The following PCDHA6 variants were observed in gnomAD, a reference collection of about 807,000 sequenced individuals.
PCDHA6 encodes the protein protocadherin alpha-6.
A neutral mutation model predicts 60.3 loss-of-function variants in PCDHA6; 55 were observed. That is an observed-to-expected ratio of 0.91 (90% CI 0.73 to 1.14). PCDHA6 has a LOEUF of 1.14. Among genes scored for constraint, PCDHA6 ranks in the 50% most tolerant of loss-of-function variants. The probability of loss-of-function intolerance (pLI) is 0.00; values close to 1 mark genes in which losing one functional copy is unlikely to be tolerated. For synonymous variants in PCDHA6, 652 were observed against 557.9 expected (o/e 1.17, Z -2.38); for missense variants, 1,327 against 1,256.5 (o/e 1.06, Z -0.85).
chr5:140,893,817 C>T (rs951661016), intron 1 of PCDHA6, among the ~76,000 whole-genome samples: 73 of 152,098 alleles, frequency 4.8e-4, no homozygotes, highest in African/African-American at 1.7e-3. Context: ...AGTCTGGTAC[C>T]GTAGACTACT....
At chr5:140,999,947 G>A (rs993598998) in intron 3 of PCDHA6, among the ~76,000 whole-genome samples, 1 of 152,110 alleles carries the variant, frequency 6.6e-6, no homozygotes, top group Non-Finnish European at 1.5e-5. Flanking sequence ...CACCCAAAGA[G>A]GGTGAAATAC....
chr5:140,842,799 C>A, intron 1 of PCDHA6: 1 of 1,594,426 alleles, frequency 6.3e-7, no homozygotes, highest in Non-Finnish European at 8.6e-7. Flanking sequence ...GTGTCCTACT[C>A]GCTTGTGGAG....
intron 1 of PCDHA6, chr5:140,868,273 C>A (rs1311976993): frequency 6.6e-6 from 1 of 151,892 alleles, no homozygotes; most frequent in Non-Finnish European, 1.5e-5. Flanking sequence ...TTTTTTAAAA[C>A]TACCAAGTTT....
Position 140,882,813 on chromosome 5 carries a change from C to A in PCDHA6, c.2394+52328C>A, listed in dbSNP as rs782169035. 2 of 1,614,058 alleles carry A rather than the reference C, an allele frequency of 1.2e-6. No individual in the cohort carries two copies. The highest frequency in any genetic ancestry group is 3.3e-5 in the Admixed American group (2 of 60,002). On this transcript the variant is annotated intron_variant, in intron 1 of 3. Transcript: ENST00000529310. ...CCCAACGATTATTTCACTTTGGACG[C>A]ACAAAACAGTCTTGAGCAAATGTCT...
At chr5:140,888,700 T>C (rs534278841) in intron 1 of PCDHA6, among the ~76,000 whole-genome samples, 2 of 152,274 alleles carry the variant, frequency 1.3e-5, no homozygotes, top group Non-Finnish European at 2.9e-5. Flanking sequence ...CTCTGATTGG[T>C]AGGAATGTGA....
At chr5:141,003,676 C>T (rs2098133802) in intron 3 of PCDHA6, among the ~76,000 whole-genome samples, 2 of 152,124 alleles carry the variant, frequency 1.3e-5, no homozygotes, top group East Asian at 1.9e-4. Context: ...ATATGTTGTT[C>T]TGATTTTAAA....
At chr5:140,871,352 C>CT in intron 1 of PCDHA6, 1 of 1,614,210 alleles carries the variant, frequency 6.2e-7, no homozygotes, top group South Asian at 1.1e-5. Flanking sequence ...TGGTCATACT[C>CT]GCAGCAGAGG....
Position 140,848,531 on chromosome 5 carries a change from G to C in PCDHA6, c.2394+18046G>C. On this transcript the variant is annotated intron_variant, in intron 1 of 3. Coordinates refer to ENST00000529310, the MANE Select transcript of PCDHA6 (RefSeq NM_018909.4). ...CAAGTCGAGGAGATCCAGAGGGTCA[G>C]CCTCTACTGCTCTCGCTTCTGATCC... 3 of 1,594,876 alleles carry C rather than the reference G, an allele frequency of 1.9e-6. 1 individual carries two copies. The South Asian group carries it at 3.3e-5, about 18-fold the overall frequency.
rs34755515 is a variant in PCDHA6 at position 141,000,421 on chromosome 5, A to ATTT, written c.2543-9185_2543-9183dup. 5.4e-3 allele frequency among the ~76,000 whole-genome samples: 150 copies of ATTT among 27,982 alleles called. 11 individuals are homozygous for ATTT. Among genetic ancestry groups the ATTT allele is most frequent in the Non-Finnish European group, 6.0e-3 (106 of 17,660 alleles). The allele number at this position is 27,982 out of a possible 152,430, so 18.4% of individuals were successfully genotyped here. On this transcript the variant is annotated intron_variant, in intron 3 of 3. Coordinates refer to ENST00000529310, the MANE Select transcript of PCDHA6 (RefSeq NM_018909.4). ...TATATATATATATATATATATATAT[A>ATTT]TTTTTTTTTTTTTTTTTTTTTTTGA...
chr5:141,001,017 A>G (rs1414857051), intron 3 of PCDHA6, among the ~76,000 whole-genome samples: 2 of 152,240 alleles, frequency 1.3e-5, no homozygotes, highest in Admixed American at 1.3e-4. Flanking sequence ...TTAGATATAC[A>G]CTTATAATAA....
In PCDHA6 at chr5:140,941,719, C is replaced by G. The variant is rs76426901; in HGVS notation, c.2395-37230C>G. 1.5e-4 allele frequency among the ~76,000 whole-genome samples: 23 copies of G among 152,260 alleles called. No individual in the cohort carries two copies. The East Asian group carries it at 4.0e-3, about 27-fold the overall frequency. ...GGCTTAGCTTTCCTCCACAATTTGT[C>G]CTAGCAGTTCCCCATTATCTTATCA... is the stretch of plus-strand genomic sequence containing the variant. On this transcript the variant is annotated intron_variant, in intron 1 of 3. Coordinates refer to ENST00000529310, the MANE Select transcript of PCDHA6 (RefSeq NM_018909.4).
intron 1 of PCDHA6, among the ~76,000 whole-genome samples, chr5:140,923,395 G>A (rs782033907): frequency 6.6e-6 from 1 of 152,240 alleles, no homozygotes; most frequent in South Asian, 2.1e-4. Flanking sequence ...GGGCATGGTG[G>A]TGTGTGCCTA....
intron 1 of PCDHA6, chr5:140,867,791 C>T (rs2050146253): frequency 1.3e-5 from 2 of 152,072 alleles, no homozygotes; most frequent in African/African-American, 2.4e-5. Context: ...CTGTATTTTA[C>T]TTAGCATTTT....
chr5:140,843,901 A>G lies in PCDHA6; in HGVS notation c.2394+13416A>G. 3 of 653,454 alleles carry G rather than the reference A, an allele frequency of 4.6e-6. 1 individual carries two copies. The highest frequency in any genetic ancestry group is 7.7e-6 in the Non-Finnish European group (3 of 388,320). 40.5% of individuals were successfully genotyped at this position (653,454 alleles called of 1,614,324 possible). A position where few individuals can be genotyped will look rare whatever the true frequency, so the allele number is the denominator to read the frequency against. On this transcript the variant is annotated intron_variant, in intron 1 of 3. Transcript: ENST00000529310. ...CATAATACAGTATTAATCATTCTCC[A>G]CAAGTTGGGTCTATCTTGAAACTCA...
At chr5:140,850,520 G>T (rs782515896) in intron 1 of PCDHA6, 3 of 1,598,186 alleles carry the variant, frequency 1.9e-6, no homozygotes, top group South Asian at 1.1e-5. Context: ...GCGGCCAGGC[G>T]CCAAAGTCAT....
At chr5:140,882,301 G>T in intron 1 of PCDHA6, 1 of 1,613,800 alleles carries the variant, frequency 6.2e-7, no homozygotes, top group Non-Finnish European at 8.5e-7. Context: ...GCCCAAGACC[G>T]CGGCAACTAC....
In PCDHA6 at chr5:140,935,562, C is replaced by T. The variant is rs180759633; in HGVS notation, c.2395-43387C>T. Among the ~76,000 whole-genome samples, 423 of 152,262 alleles carry T rather than the reference C, an allele frequency of 2.8e-3. 2 individuals carry two copies. The highest frequency in any genetic ancestry group is 0.014 in the Middle Eastern group (4 of 294). On this transcript the variant is annotated intron_variant, in intron 1 of 3. Transcript: ENST00000529310. Reference sequence around the variant, plus strand: ...TGTTTTAAAGTATCTTGGAAAAGTTCCTCTCTGTGTAGTTAAGCCACCAGC... The same window carrying T: ...TGTTTTAAAGTATCTTGGAAAAGTTTCTCTCTGTGTAGTTAAGCCACCAGC...
At chr5:140,888,213 T>A (rs1460298215) in intron 1 of PCDHA6, among the ~76,000 whole-genome samples, 1 of 152,170 alleles carries the variant, frequency 6.6e-6, no homozygotes, top group East Asian at 1.9e-4. Context: ...CTGGATTTTG[T>A]GTGTGTGTGC....
intron 3 of PCDHA6, among the ~76,000 whole-genome samples, chr5:140,998,139 G>C (rs1354714500): frequency 2.0e-5 from 3 of 152,176 alleles, no homozygotes; most frequent in Non-Finnish European, 4.4e-5. Flanking sequence ...TAGCTAACCT[G>C]TACTGAACAG....
Sources: gnomAD v4.1 joint callset for allele counts (sites outside exome capture counted in the v4.1 genomes callset) on GRCh38, gnomAD v4.1.1 for gene constraint, MANE v1.5 for transcripts, NCBI Gene and HGNC (gene_info 2026-07-23, HGNC 2026-07-21) for gene names.